Variants in THRB observed in about 807,000 individuals in gnomAD.
THRB encodes nuclear receptor subfamily 1 group A member 2.
In THRB, 12 loss-of-function variants were observed where a neutral mutation model predicts 47.8. The observed-to-expected ratio is 0.25, with a 90% CI of 0.16 to 0.41. The LOEUF (loss-of-function observed/expected upper bound fraction) is 0.41. THRB is among the 10% of genes least tolerant of loss of function. The probability of loss-of-function intolerance (pLI) is 1.00; values close to 1 mark genes in which losing one functional copy is unlikely to be tolerated. For synonymous variants in THRB, 218 were observed against 212.2 expected (o/e 1.03, Z -0.24); for missense variants, 348 against 589.2 (o/e 0.59, Z 4.24).
intron 1 of THRB, among the ~76,000 whole-genome samples, chr3:24,375,611 G>A (rs1240277288): frequency 6.0e-5 from 9 of 150,292 alleles, no homozygotes; most frequent in Non-Finnish European, 4.4e-5. Context: ...CAAGGAATAT[G>A]CTAAAATGTC....
chr3:24,464,261 A>G (rs190110811), intron 1 of THRB, among the ~76,000 whole-genome samples: 1 of 152,074 alleles, frequency 6.6e-6, no homozygotes, highest in African/African-American at 2.4e-5. Flanking sequence ...AAAAGAAAAA[A>G]AAAAAAGAAA....
chr3:24,457,568 A>C (rs1007484644), intron 1 of THRB, among the ~76,000 whole-genome samples: 3 of 152,222 alleles, frequency 2.0e-5, no homozygotes, highest in African/African-American at 7.2e-5. Flanking sequence ...CTTAAAAGGC[A>C]ACAAACTAGT....
intron 3 of THRB, among the ~76,000 whole-genome samples, chr3:24,247,289 C>T (rs1245464555): frequency 6.6e-6 from 1 of 152,152 alleles, no homozygotes; most frequent in East Asian, 1.9e-4. Flanking sequence ...ACAATAAAGG[C>T]GATAATAGCA....
chr3:24,352,592 G>A (rs912148763), intron 1 of THRB, among the ~76,000 whole-genome samples: 4 of 152,132 alleles, frequency 2.6e-5, no homozygotes, highest in African/African-American at 4.8e-5. Flanking sequence ...ATTTCAAACC[G>A]GGGTGGTTGG....
intron 1 of THRB, among the ~76,000 whole-genome samples, chr3:24,425,445 T>C (rs948682519): frequency 6.6e-6 from 1 of 151,976 alleles, no homozygotes; most frequent in Non-Finnish European, 1.5e-5. Flanking sequence ...CGCACCTTTT[T>C]TTCCTATTGA....
intron 1 of THRB, among the ~76,000 whole-genome samples, chr3:24,388,832 T>G (rs1002368578): frequency 1.3e-4 from 20 of 152,040 alleles, no homozygotes; most frequent in African/African-American, 4.1e-4. Context: ...CTCAACAATT[T>G]ATATCTCTCA....
chr3:24,294,140 T>A (rs188054615), intron 3 of THRB, among the ~76,000 whole-genome samples: 2 of 152,316 alleles, frequency 1.3e-5, no homozygotes, highest in African/African-American at 4.8e-5. Flanking sequence ...TTATACTCTT[T>A]TGGAAACCAG....
At chr3:24,413,025 T>C (rs1171040795) in intron 1 of THRB, among the ~76,000 whole-genome samples, 1 of 151,848 alleles carries the variant, frequency 6.6e-6, no homozygotes, top group Non-Finnish European at 1.5e-5. Flanking sequence ...AAAGAGGCTT[T>C]CTTACATTAT....
chr3:24,188,127 C>T (rs376635452), intron 5 of THRB, among the ~76,000 whole-genome samples: 13 of 152,326 alleles, frequency 8.5e-5, no homozygotes, highest in African/African-American at 3.1e-4. Context: ...TCTAACGTCC[C>T]TGAAGCCTCA....
At chr3:24,462,733 T>C (rs1577747950) in intron 1 of THRB, among the ~76,000 whole-genome samples, 1 of 152,316 alleles carries the variant, frequency 6.6e-6, no homozygotes, top group Non-Finnish European at 1.5e-5. Context: ...ATTCTTCCCC[T>C]TGGAGCCAGT....
chr3:24,263,415 T>G (rs1480630206), intron 3 of THRB, among the ~76,000 whole-genome samples: 1 of 152,156 alleles, frequency 6.6e-6, no homozygotes, highest in African/African-American at 2.4e-5. Context: ...TAACAAGAAG[T>G]TGAAGCAGAA....
chr3:24,254,245 A>G (rs2050996224), intron 3 of THRB, among the ~76,000 whole-genome samples: 1 of 127,816 alleles, frequency 7.8e-6, no homozygotes, highest in Admixed American at 7.9e-5. Context: ...AAAAAAAAAA[A>G]TTAGCTGGGC....
intron 2 of THRB, among the ~76,000 whole-genome samples, chr3:24,314,689 C>A (rs574947204): frequency 6.6e-6 from 1 of 152,134 alleles, no homozygotes; most frequent in East Asian, 1.9e-4. Context: ...TTCTCCAGAT[C>A]GCACATTCCC....
At chr3:24,277,161 A>G (rs1408223452) in intron 3 of THRB, among the ~76,000 whole-genome samples, 52 of 152,106 alleles carry the variant, frequency 3.4e-4, no homozygotes, top group Admixed American at 3.4e-3. Flanking sequence ...CAATTTTGCA[A>G]TTTTGGGAAG....
chr3:24,432,448 G>A (rs1465405699), intron 1 of THRB, among the ~76,000 whole-genome samples: 1 of 152,110 alleles, frequency 6.6e-6, no homozygotes, highest in Non-Finnish European at 1.5e-5. Context: ...ACACCTTCTA[G>A]TTAAGAGAGG....
At chr3:24,156,126 A>G (rs28481363) in intron 5 of THRB, among the ~76,000 whole-genome samples, 1 of 152,172 alleles carries the variant, frequency 6.6e-6, no homozygotes, top group African/African-American at 2.4e-5. Flanking sequence ...TATTATCTTG[A>G]ATATCTTACA....
chr3:24,278,393 G>T lies in THRB; in HGVS notation c.-43+18833C>A, dbSNP rs115567113. Among the ~76,000 whole-genome samples the T allele has an allele frequency of 7.1e-3, 1,088 of 152,284 alleles. 2 individuals are homozygous for T. The highest frequency in any genetic ancestry group is 0.011 in the Non-Finnish European group (773 of 68,020). On this transcript the variant is annotated intron_variant, in intron 3 of 10. Transcript: ENST00000646209. ...TATGTAATATATTAAAAATCAGGCA[G>T]ATTTTATTCTATTTGTGTGGTCTGC... is the stretch of plus-strand genomic sequence containing the variant.
At chr3:24,388,599 G>T (rs2066316066) in intron 1 of THRB, among the ~76,000 whole-genome samples, 1 of 152,148 alleles carries the variant, frequency 6.6e-6, no homozygotes, top group Non-Finnish European at 1.5e-5. Flanking sequence ...GCAAGAATGG[G>T]CTGGTATTTG....
At chr3:24,414,426 T>C (rs1045004401) in intron 1 of THRB, among the ~76,000 whole-genome samples, 4 of 151,876 alleles carry the variant, frequency 2.6e-5, no homozygotes, top group Admixed American at 6.6e-5. Flanking sequence ...AACATATCTA[T>C]GTGTTAAAAG....
Sources: allele counts gnomAD v4.1 joint callset (sites outside exome capture counted in the v4.1 genomes callset), GRCh38; gene constraint gnomAD v4.1.1; transcripts MANE v1.5; gene names NCBI Gene and HGNC (gene_info 2026-07-23, HGNC 2026-07-21).